The following FNDC7 variants were observed in gnomAD, a reference collection of about 807,000 sequenced individuals.
The protein encoded by FNDC7 is fibronectin type III domain-containing protein 7.
A neutral mutation model predicts 74.2 loss-of-function variants in FNDC7; 66 were observed. The observed-to-expected ratio is 0.89, with a 90% CI of 0.73 to 1.09. The LOEUF is 1.09. Ranked by LOEUF, FNDC7 falls within the 50% of genes least tolerant of loss-of-function variation. The pLI is 0.00. For missense variants in FNDC7, 829 were observed against 893.4 expected (o/e 0.93, Z 0.92); for synonymous variants, 307 against 330.2 (o/e 0.93, Z 0.76).
rs1661660137 is a variant in FNDC7 at position 108,741,979 on chromosome 1, T to G, written c.*92T>G. 1 of 681,300 alleles carries G rather than the reference T, an allele frequency of 1.5e-6. No homozygotes were observed. Among genetic ancestry groups the G allele is most frequent in the African/African-American group, 1.8e-5 (1 of 55,062 alleles). The allele number at this position is 681,300 out of a possible 1,614,324, so 42.2% of individuals were successfully genotyped here. ...GGAAAAGATCTACTAGAATGTAGAA[T>G]AAAAATGCCTCTAGGATAGGAAAAG... is the stretch of plus-strand genomic sequence containing the variant. On this transcript the variant is annotated 3_prime_UTR_variant, in exon 13 of 13. Coordinates refer to ENST00000370017, the MANE Select transcript of FNDC7 (RefSeq NM_001144937.3).
intron 10 of FNDC7, among the ~76,000 whole-genome samples, chr1:108,736,554 A>G (rs1661519561): frequency 6.6e-6 from 1 of 152,214 alleles, no homozygotes; most frequent in Admixed American, 6.5e-5. Context: ...TAAGTGAGTG[A>G]TGGAAGTCTT....
chr1:108,735,905 A>G (rs935133713), intron 10 of FNDC7, among the ~76,000 whole-genome samples: 4 of 152,130 alleles, frequency 2.6e-5, no homozygotes, highest in Non-Finnish European at 5.9e-5. Flanking sequence ...TCCTGGGCTC[A>G]AGCAATCCTC....
chr1:108,726,086 G>T, intron 6 of FNDC7, 82 bp downstream of exon 6: 1 of 1,503,636 alleles, frequency 6.7e-7, no homozygotes, highest in South Asian at 1.2e-5. Flanking sequence ...TCCACTTATT[G>T]ACTTACCACC....
chr1:108,730,008 T>C (rs1409421670), intron 8 of FNDC7, among the ~76,000 whole-genome samples: 1 of 152,236 alleles, frequency 6.6e-6, no homozygotes, highest in East Asian at 1.9e-4. Context: ...AGGCAAATTA[T>C]ACTTAATTGC....
intron 8 of FNDC7, among the ~76,000 whole-genome samples, chr1:108,730,094 A>G (rs1195696830): frequency 6.6e-6 from 1 of 152,148 alleles, no homozygotes; most frequent in African/African-American, 2.4e-5. Context: ...ATTGTTGAAG[A>G]TGGGCCGGGC....
chr1:108,735,996 C>T (rs1661505024), intron 10 of FNDC7, among the ~76,000 whole-genome samples: 1 of 151,956 alleles, frequency 6.6e-6, no homozygotes, highest in Non-Finnish European at 1.5e-5. Flanking sequence ...TTTGTAGAGA[C>T]AAGGTCTTGC....
chr1:108,715,644 C>T (rs1478151483), intron 2 of FNDC7, among the ~76,000 whole-genome samples: 3 of 140,534 alleles, frequency 2.1e-5, no homozygotes, highest in Non-Finnish European at 3.1e-5. Context: ...TTGGCTCATA[C>T]ACAAACATGC....
At chr1:108,724,970 G>A (rs1277388429) in intron 5 of FNDC7, among the ~76,000 whole-genome samples, 1 of 151,466 alleles carries the variant, frequency 6.6e-6, no homozygotes, top group African/African-American at 2.4e-5. Flanking sequence ...AGTCCCAGAT[G>A]CTTGGGAGGT....
chr1:108,719,255 C>A (rs1030310570), intron 4 of FNDC7, among the ~76,000 whole-genome samples: 1 of 152,204 alleles, frequency 6.6e-6, no homozygotes, highest in Admixed American at 6.5e-5. Context: ...AGAAATGCTA[C>A]TCAGAATGCA....
Position 108,741,917 on chromosome 1 carries a change from T to C in FNDC7, c.*38-8T>C. The C allele has an allele frequency of 9.3e-7, 1 of 1,079,360 alleles. No individual in the cohort carries two copies. The highest frequency in any genetic ancestry group is 2.4e-5 in the East Asian group (1 of 41,546). 66.9% of individuals were successfully genotyped at this position (1,079,360 alleles called of 1,614,324 possible). On this transcript the variant is annotated splice_polypyrimidine_tract_variant and splice_region_variant and intron_variant, in intron 12 of 12. Transcript: ENST00000370017. ...TTTGTTTAAAATGTTTTCCCATTTG[T>C]CTTGCAGAGTTGTCTCATTTGTTAG...
At chr1:108,720,033 T>C (rs184703695) in intron 4 of FNDC7, among the ~76,000 whole-genome samples, 257 of 152,220 alleles carry the variant, frequency 1.7e-3, no homozygotes, top group African/African-American at 5.6e-3. Flanking sequence ...ACTATTTCCC[T>C]AGGGAGGTAG....
At chr1:108,718,616 A>G (rs890155281) in intron 3 of FNDC7, among the ~76,000 whole-genome samples, 173 bp from the exon 4 acceptor site, 13 of 152,202 alleles carry the variant, frequency 8.5e-5, no homozygotes, top group African/African-American at 2.9e-4. Flanking sequence ...CTGCCAAGTC[A>G]TTTATGATTA....
At chr1:108,716,076 T>C (rs1472861020) in intron 2 of FNDC7, among the ~76,000 whole-genome samples, 1 of 152,144 alleles carries the variant, frequency 6.6e-6, no homozygotes, top group Non-Finnish European at 1.5e-5. Flanking sequence ...AGGGTCTGTG[T>C]CATGCTAGCC....
At chr1:108,737,450 A>G (rs978996633) in intron 10 of FNDC7, 45 bp from the exon 11 acceptor site, 2 of 1,500,024 alleles carry the variant, frequency 1.3e-6, no homozygotes, top group African/African-American at 1.4e-5. Flanking sequence ...TCTTAAATAC[A>G]TAAATGAATA....
intron 4 of FNDC7, 123 bp from the exon 5 acceptor site, chr1:108,722,212 T>A: frequency 9.9e-7 from 1 of 1,010,740 alleles, no homozygotes; most frequent in Non-Finnish European, 1.4e-6. Context: ...TTTTATGCTT[T>A]GAACACTTGT....
At chr1:108,713,106 A>C in intron 1 of FNDC7, 110 bp downstream of exon 1, 1 of 996,370 alleles carries the variant, frequency 1.0e-6, no homozygotes, top group Non-Finnish European at 1.5e-6. Context: ...GATAGAAATC[A>C]GAATACTTTG....
intron 10 of FNDC7, 120 bp downstream of exon 10, chr1:108,733,652 T>TAA: frequency 1.7e-5 from 9 of 544,068 alleles, no homozygotes; most frequent in Non-Finnish European, 2.4e-5. Flanking sequence ...TTTCTTTCTT[T>TAA]TTTTTTTTTT....
chr1:108,730,665 C>T lies in FNDC7; in HGVS notation c.1625-9C>T. On this transcript the variant is annotated splice_polypyrimidine_tract_variant and intron_variant, in intron 8 of 12. Transcript: ENST00000370017. ...AATCTCCAATTCTTTTTCTTTTATC[C>T]CATTTAAGTGCCATGCTGTCCAACC... is the stretch of plus-strand genomic sequence containing the variant. 1 of 1,498,978 alleles carries T rather than the reference C, an allele frequency of 6.7e-7. No individual in the cohort carries two copies. Among genetic ancestry groups the T allele is most frequent in the Non-Finnish European group, 8.9e-7 (1 of 1,121,188 alleles). 92.9% of individuals were successfully genotyped at this position (1,498,978 alleles called of 1,614,324 possible). A position where few individuals can be genotyped will look rare whatever the true frequency, so the allele number is the denominator to read the frequency against.
In FNDC7 at chr1:108,718,817, C is replaced by T. The variant is rs1661030959; in HGVS notation, c.366C>T (p.Ser122=). ...TVLAAPILEV[S]SPSSDSILVQ... ...TGGCTGCACCAATTCTAGAAGTAAGCTCTCCAAGTTCAGACTCCATTCTTG... is the reference window on the plus strand; with the variant it reads ...TGGCTGCACCAATTCTAGAAGTAAGTTCTCCAAGTTCAGACTCCATTCTTG... The change falls in exon 4 of 13, where the codon AGC becomes AGT. Residue 122 remains serine, a synonymous_variant. Coordinates refer to ENST00000370017, the MANE Select transcript of FNDC7 (RefSeq NM_001144937.3). 4.5e-6 allele frequency: 7 copies of T among 1,551,850 alleles called. No individual in the cohort carries two copies. The East Asian group carries it at 9.8e-5, about 22-fold the overall frequency.
Sources: gnomAD v4.1 joint callset for allele counts (sites outside exome capture counted in the v4.1 genomes callset) on GRCh38, gnomAD v4.1.1 for gene constraint, MANE v1.5 for transcripts, NCBI Gene and HGNC (gene_info 2026-07-23, HGNC 2026-07-21) for gene names.